SLC25A26: variants seen among roughly 807,000 people sequenced by gnomAD.
SLC25A26 encodes solute carrier family 25 member 26, also known as mitochondrial S-adenosylmethionine carrier protein.
In SLC25A26, 36 loss-of-function variants were observed where a neutral mutation model predicts 37.8. The ratio of observed to expected loss-of-function variants is 0.95; its 90% confidence interval spans 0.73 to 1.26. SLC25A26 has a LOEUF of 1.26. Among genes scored for constraint, SLC25A26 ranks in the 50% most tolerant of loss-of-function variants. The pLI, the probability that SLC25A26 is intolerant of heterozygous loss-of-function variation, is 0.00. For synonymous variants in SLC25A26, 129 were observed against 122.5 expected (o/e 1.05, Z -0.35); for missense variants, 390 against 331.1 (o/e 1.18, Z -1.38).
intron 1 of SLC25A26, among the ~76,000 whole-genome samples, chr3:66,224,962 T>G (rs1418247460): frequency 1.3e-5 from 2 of 152,196 alleles, no homozygotes; most frequent in African/African-American, 4.8e-5. Context: ...GTCACGCTGC[T>G]GTAAGAGGTG....
At chr3:66,146,984 G>A (rs2070123876) in intron 1 of SLC25A26, among the ~76,000 whole-genome samples, 1 of 151,088 alleles carries the variant, frequency 6.6e-6, no homozygotes, top group East Asian at 2.0e-4. Context: ...CTCCATCCAA[G>A]TTGCTGCAAA....
At chr3:66,282,609 G>C (rs919618017) in intron 5 of SLC25A26, among the ~76,000 whole-genome samples, 2 of 151,928 alleles carry the variant, frequency 1.3e-5, no homozygotes, top group African/African-American at 4.8e-5. Flanking sequence ...TTGCATCTAG[G>C]CTCTTTTATT....
At chr3:66,236,962 A>G (rs140801059) in intron 2 of SLC25A26, among the ~76,000 whole-genome samples, 2 of 152,186 alleles carry the variant, frequency 1.3e-5, no homozygotes, top group East Asian at 3.9e-4. Context: ...TCAGCCCCCT[A>G]AGTAGCTGGG....
chr3:66,234,549 A>G (rs923803064), intron 1 of SLC25A26, among the ~76,000 whole-genome samples: 4 of 152,192 alleles, frequency 2.6e-5, no homozygotes, highest in Non-Finnish European at 5.9e-5. Flanking sequence ...GAAGTATAGT[A>G]TTACTATTTA....
chr3:66,369,677 T>G lies in SLC25A26; in HGVS notation c.633+135T>G, dbSNP rs1172163508. 8 of 700,506 alleles carry G rather than the reference T, an allele frequency of 1.1e-5. No individual in the cohort carries two copies. The East Asian group carries it at 2.2e-4, about 19-fold the overall frequency. 43.4% of individuals were successfully genotyped at this position (700,506 alleles called of 1,614,324 possible). A position where few individuals can be genotyped will look rare whatever the true frequency, so the allele number is the denominator to read the frequency against. ...CATCTTATGCTGCCTGTGCAACCTCTAACAAAACTGCCATTGATGGAACAA... is the reference window on the plus strand; with the variant it reads ...CATCTTATGCTGCCTGTGCAACCTCGAACAAAACTGCCATTGATGGAACAA... On this transcript the variant is annotated intron_variant, in intron 8 of 9. Coordinates refer to ENST00000354883, the MANE Select transcript of SLC25A26 (RefSeq NM_001379210.1).
At chr3:66,216,085 C>T (rs1267349554), upstream of SLC25A26, among the ~76,000 whole-genome samples, 1 of 152,176 alleles carries the variant, frequency 6.6e-6, no homozygotes, top group Non-Finnish European at 1.5e-5. Flanking sequence ...AGACTTTAGT[C>T]ATATTCACAA....
In SLC25A26 at chr3:66,292,396, C is replaced by T. The variant is rs146575700; in HGVS notation, c.453+29017C>T. Among the ~76,000 whole-genome samples the T allele has an allele frequency of 1.6e-3, 248 of 152,234 alleles. 2 individuals carry two copies. In the East Asian group the frequency reaches 0.036, roughly 22 times the overall value. Reference sequence around the variant, plus strand: ...TGATGCAGTTTCTTCGTAGTGTTGACGGTCTTTACAATTTGGTATGTTTTT... The same window carrying T: ...TGATGCAGTTTCTTCGTAGTGTTGATGGTCTTTACAATTTGGTATGTTTTT... On this transcript the variant is annotated intron_variant, in intron 5 of 9. Coordinates refer to ENST00000354883, the MANE Select transcript of SLC25A26 (RefSeq NM_001379210.1).
rs190374310 is a variant in SLC25A26, at chr3:66,180,256, T to A, written c.-353-40486T>A. Among the ~76,000 whole-genome samples, 273 of 152,208 alleles carry A rather than the reference T, an allele frequency of 1.8e-3. 1 individual carries two copies. The highest frequency in any genetic ancestry group is 5.6e-3 in the African/African-American group (234 of 41,532). On this transcript the variant is annotated intron_variant, in intron 1 of 10. Transcript: ENST00000676754. ...AATTTATTTTCCTCTGAGGCTTTTT[T>A]AAAAAAAAGAACCCACACTTTTGCA...
At chr3:66,174,140 A>G (rs1016533616) in intron 1 of SLC25A26, among the ~76,000 whole-genome samples, 1 of 126,498 alleles carries the variant, frequency 7.9e-6, no homozygotes, top group Non-Finnish European at 1.9e-5. Context: ...GAAAACAGAT[A>G]GGATGCTCCT....
intron 1 of SLC25A26, among the ~76,000 whole-genome samples, chr3:66,226,481 C>CTT (rs375300790): frequency 6.7e-6 from 1 of 148,900 alleles, no homozygotes; most frequent in African/African-American, 2.5e-5. Context: ...GCGTTCTTTT[C>CTT]TTTTTTTTTT....
At chr3:66,291,746 C>T (rs142205537) in intron 5 of SLC25A26, among the ~76,000 whole-genome samples, 4 of 152,160 alleles carry the variant, frequency 2.6e-5, no homozygotes, top group East Asian at 1.9e-4. Context: ...AGAATAAGTG[C>T]GATGTGTTGC....
intron 5 of SLC25A26, among the ~76,000 whole-genome samples, chr3:66,308,597 C>T (rs942401263): frequency 6.6e-6 from 1 of 152,170 alleles, no homozygotes; most frequent in Non-Finnish European, 1.5e-5. Flanking sequence ...AAAGTTAATG[C>T]TTCTAGCTTT....
rs191011382 is a variant in SLC25A26 at position 66,371,185 on chromosome 3, G to T, written c.707+583G>T. 3.2e-4 allele frequency: 476 copies of T among 1,473,968 alleles called. 5 individuals carry two copies. In the African/African-American group the frequency reaches 5.3e-3, roughly 16 times the overall value. 91.3% of individuals were successfully genotyped at this position (1,473,968 alleles called of 1,614,324 possible). A position where few individuals can be genotyped will look rare whatever the true frequency, so the allele number is the denominator to read the frequency against. ...TTGAGATCTTACAGGCATGTGAAATGATGATTTTTCTCTTAGGGACCATAT... is the reference window on the plus strand; with the variant it reads ...TTGAGATCTTACAGGCATGTGAAATTATGATTTTTCTCTTAGGGACCATAT... On this transcript the variant is annotated intron_variant, in intron 9 of 9. Transcript: ENST00000354883.
At chr3:66,356,436 A>T (rs1211071255) in intron 6 of SLC25A26, among the ~76,000 whole-genome samples, 1 of 152,196 alleles carries the variant, frequency 6.6e-6, no homozygotes, top group Non-Finnish European at 1.5e-5. Flanking sequence ...ATCACTGAGT[A>T]TCCTAAAGAA....
chr3:66,264,345 G>A (rs1238666221), intron 5 of SLC25A26, among the ~76,000 whole-genome samples: 3 of 152,112 alleles, frequency 2.0e-5, no homozygotes, highest in Non-Finnish European at 4.4e-5. Context: ...AGGAACTAAT[G>A]AAAAATTGGT....
In SLC25A26 at chr3:66,230,976, A is replaced by T. The variant is rs184308864; in HGVS notation, c.34-5568A>T. Among the ~76,000 whole-genome samples the T allele has an allele frequency of 8.8e-3, 1,341 of 152,240 alleles. 27 individuals are homozygous for T. The highest frequency in any genetic ancestry group is 0.03 in the African/African-American group (1,265 of 41,544). ...GATCACCTGAGGTCAGGAGTTCAAAACCAGCCTCGCCAACAGGGTGAAACT... is the reference window on the plus strand; with the variant it reads ...GATCACCTGAGGTCAGGAGTTCAAATCCAGCCTCGCCAACAGGGTGAAACT... On this transcript the variant is annotated intron_variant, in intron 1 of 9. Transcript: ENST00000354883.
At position 66,140,259 on chromosome 3, in the gene SLC25A26, G is replaced by A. The variant is rs552663938; in HGVS notation, c.-354+6275G>A. Reference sequence around the variant, plus strand: ...ATCTCTTGACCAATTTTGGATATGCGCCTTTTCTGAACCAATGATTAGAGG... The same window carrying A: ...ATCTCTTGACCAATTTTGGATATGCACCTTTTCTGAACCAATGATTAGAGG... On this transcript the variant is annotated intron_variant, in intron 1 of 10. Coordinates refer to the SLC25A26 transcript ENST00000676754. Among the ~76,000 whole-genome samples the A allele has an allele frequency of 9.2e-5, 14 of 152,276 alleles. 1 individual carries two copies. The South Asian group carries it at 2.9e-3, about 32-fold the overall frequency.
chr3:66,283,917 T>G (rs909868244), intron 5 of SLC25A26, among the ~76,000 whole-genome samples: 31 of 152,250 alleles, frequency 2.0e-4, no homozygotes, highest in Non-Finnish European at 2.6e-4. Context: ...CGATAATACT[T>G]TATAAATTTG....
At position 66,309,399 on chromosome 3, in the gene SLC25A26, C is replaced by G. The variant is rs114188699; in HGVS notation, c.454-36965C>G. Among the ~76,000 whole-genome samples the G allele has an allele frequency of 2.5e-3, 384 of 151,852 alleles. 1 individual carries two copies. The highest frequency in any genetic ancestry group is 2.7e-3 in the Non-Finnish European group (183 of 67,834). Reference sequence around the variant, plus strand: ...TTTATTGTGTCTATTTGATTCTTCTCTCTTCATTGGTCTGGCTAGTGGTCT... The same window carrying G: ...TTTATTGTGTCTATTTGATTCTTCTGTCTTCATTGGTCTGGCTAGTGGTCT... On this transcript the variant is annotated intron_variant, in intron 5 of 9. Coordinates refer to ENST00000354883, the MANE Select transcript of SLC25A26 (RefSeq NM_001379210.1).
Sources: gnomAD v4.1 joint callset for allele counts (sites outside exome capture counted in the v4.1 genomes callset) on GRCh38, gnomAD v4.1.1 for gene constraint, MANE v1.5 for transcripts, NCBI Gene and HGNC (gene_info 2026-07-23, HGNC 2026-07-21) for gene names.